Variants in GABRA3 observed in about 807,000 individuals in gnomAD.
The protein encoded by GABRA3 is gamma-aminobutyric acid receptor subunit alpha-3.
Under a neutral mutation model 30.1 loss-of-function variants are expected in GABRA3, and 10 were observed. The observed-to-expected ratio is 0.33, with a 90% CI of 0.20 to 0.56. The LOEUF is 0.56. Ranked by LOEUF, GABRA3 falls within the 20% of genes least tolerant of loss-of-function variation. The pLI, the probability that GABRA3 is intolerant of heterozygous loss-of-function variation, is 0.89. For missense variants in GABRA3, 233 were observed against 392.0 expected (o/e 0.59, Z 3.42); for synonymous variants, 151 against 146.8 (o/e 1.03, Z -0.21).
At chrX:152,226,856 T>C (rs1273227759) in intron 5 of GABRA3, among the ~76,000 whole-genome samples, 3 of 111,829 alleles carry the variant, frequency 2.7e-5, no homozygotes, top group Admixed American at 1.9e-4. Context: ...CCAGTTAGAA[T>C]GGCAATCATT....
chrX:152,336,065 G>A (rs1940229686), intron 3 of GABRA3, among the ~76,000 whole-genome samples: 1 of 111,142 alleles, frequency 9.0e-6, no homozygotes, highest in African/African-American at 3.3e-5. Context: ...ATTTAGCACA[G>A]AGGTCCAAGG....
intron 3 of GABRA3, among the ~76,000 whole-genome samples, chrX:152,318,868 C>T (rs919273228): frequency 1.8e-5 from 2 of 111,447 alleles, no homozygotes; most frequent in African/African-American, 6.5e-5. Flanking sequence ...ATGACAAACC[C>T]ACAGCCAAAA....
chrX:152,306,088 A>G (rs1239241536), intron 3 of GABRA3, among the ~76,000 whole-genome samples: 1 of 112,432 alleles, frequency 8.9e-6, no homozygotes. Context: ...AAGGTTTCCA[A>G]TATCAATACA....
At position 152,259,298 on chromosome X, in the gene GABRA3, C is replaced by G. The variant is rs1938689459; in HGVS notation, c.331-3300G>C. Reference sequence around the variant, plus strand: ...AAGTAAACATGAACAGCAGTCTAGGCCACAAGGGCAGCAACTCGTAGGTGA... The same window carrying G: ...AAGTAAACATGAACAGCAGTCTAGGGCACAAGGGCAGCAACTCGTAGGTGA... On this transcript the variant is annotated intron_variant, in intron 4 of 9. Coordinates refer to ENST00000370314, the MANE Select transcript of GABRA3 (RefSeq NM_000808.4). Among the ~76,000 whole-genome samples the G allele has an allele frequency of 3.6e-5, 4 of 111,404 alleles. No individual in the cohort carries two copies. The South Asian group carries it at 1.5e-3, about 43-fold the overall frequency.
intron 4 of GABRA3, 72 bp downstream of exon 4, chrX:152,284,596 C>T: frequency 1.4e-6 from 1 of 721,297 alleles, no homozygotes; most frequent in Non-Finnish European, 2.1e-6. Flanking sequence ...AAGGCCCTGC[C>T]TTAGGAAAGC....
chrX:152,178,132 A>G (rs971542168), intron 9 of GABRA3, among the ~76,000 whole-genome samples: 1 of 111,775 alleles, frequency 8.9e-6, no homozygotes, highest in African/African-American at 3.3e-5. Flanking sequence ...ATATGTGTGT[A>G]TATATATATG....
chrX:152,326,748 A>T (rs978571488), intron 3 of GABRA3, among the ~76,000 whole-genome samples: 3 of 111,658 alleles, frequency 2.7e-5, no homozygotes, highest in African/African-American at 6.5e-5. Context: ...CACTGCAAAA[A>T]CATGCCAAAT....
intron 1 of GABRA3, among the ~76,000 whole-genome samples, chrX:152,414,289 TAATGAAAAGGTACC>T (rs1374343441): frequency 9.0e-6 from 1 of 111,548 alleles, no homozygotes; most frequent in Non-Finnish European, 1.9e-5. Context: ...TACTACTTAG[TAATGAAAAGGTACC>T]AATTACTGGT....
At chrX:152,233,191 G>T (rs1205125094) in intron 5 of GABRA3, among the ~76,000 whole-genome samples, 1 of 107,491 alleles carries the variant, frequency 9.3e-6, no homozygotes, top group African/African-American at 3.5e-5. Flanking sequence ...TGAGTTCATT[G>T]TAGATTCTGG....
intron 1 of GABRA3, among the ~76,000 whole-genome samples, chrX:152,373,876 C>T (rs758464097): frequency 3.2e-4 from 34 of 107,415 alleles, no homozygotes; most frequent in Middle Eastern, 9.4e-3. Context: ...GAACATGCGG[C>T]GTTTGGTTTT....
intron 1 of GABRA3, among the ~76,000 whole-genome samples, chrX:152,371,241 T>TTCTTTTCTCTCTGGGAGAAGAAATAAC (rs1207733839): frequency 9.0e-6 from 1 of 111,517 alleles, no homozygotes; most frequent in African/African-American, 3.3e-5. Flanking sequence ...ATATTTTACT[T>TTCTTTTCTCTCTGGGAGAAGAAATAAC]TCTTTTCTCT....
chrX:152,444,748 G>GTTTTTTTTTTTTTTT (rs1569426323), intron 1 of GABRA3, among the ~76,000 whole-genome samples: 1 of 47,725 alleles, frequency 2.1e-5, no homozygotes, highest in Non-Finnish European at 3.3e-5. Context: ...TTTTTTTTTT[G>GTTTTTTTTTTTTTTT]TTTTTTTTTG....
intron 9 of GABRA3, among the ~76,000 whole-genome samples, chrX:152,168,947 A>G (rs148624140): frequency 2.7e-5 from 3 of 112,146 alleles, no homozygotes; most frequent in Non-Finnish European, 5.6e-5. Context: ...AATCTTATAC[A>G]TCATGTGATT....
intron 3 of GABRA3, among the ~76,000 whole-genome samples, chrX:152,317,179 C>T (rs1265794109): frequency 9.0e-6 from 1 of 111,705 alleles, no homozygotes; most frequent in African/African-American, 3.3e-5. Context: ...ATTCTTACAT[C>T]AGACAAACAA....
chrX:152,341,273 A>G, intron 3 of GABRA3, among the ~76,000 whole-genome samples: 1 of 110,749 alleles, frequency 9.0e-6, no homozygotes, highest in East Asian at 2.8e-4. Context: ...TTTTCCACTC[A>G]TTGGTTGATG....
rs147168644 is a variant in GABRA3, at chrX:152,422,018, C to A, written c.-27+29128G>T. ...ATCTAATAAGTTGAAAATATGCATA[C>A]CCTATGACCCCAAAATTCTCATCTT... On this transcript the variant is annotated intron_variant, in intron 1 of 9. Transcript: ENST00000370314. 9.2e-3 allele frequency among the ~76,000 whole-genome samples: 1,017 copies of A among 111,126 alleles called. 17 individuals carry two copies. Among genetic ancestry groups the A allele is most frequent in the African/African-American group, 0.031 (963 of 30,678 alleles).
chrX:152,368,893 G>C (rs953086890), intron 1 of GABRA3, among the ~76,000 whole-genome samples: 27 of 109,838 alleles, frequency 2.5e-4, no homozygotes, highest in African/African-American at 9.0e-4. Flanking sequence ...TTGTAGTAGA[G>C]ACGGGGTTTC....
chrX:152,310,083 C>T (rs981053488), intron 3 of GABRA3, among the ~76,000 whole-genome samples: 3 of 112,220 alleles, frequency 2.7e-5, no homozygotes, highest in African/African-American at 9.7e-5. Flanking sequence ...AAGAAGACTT[C>T]ACTATCTTAA....
chrX:152,436,374 C>T (rs1930777065), intron 1 of GABRA3, among the ~76,000 whole-genome samples: 2 of 111,803 alleles, frequency 1.8e-5, no homozygotes. Context: ...GTTTGGGTAG[C>T]TGCCTGGCCT....
Sources: allele counts gnomAD v4.1 joint callset (sites outside exome capture counted in the v4.1 genomes callset), GRCh38; gene constraint gnomAD v4.1.1; transcripts MANE v1.5; gene names NCBI Gene and HGNC (gene_info 2026-07-23, HGNC 2026-07-21).